The following SYNE2 variants were observed in gnomAD, a reference collection of about 807,000 sequenced individuals.
SYNE2 encodes the protein nesprin-2.
A neutral mutation model predicts 856.3 loss-of-function variants in SYNE2; 431 were observed. The observed-to-expected ratio is 0.50, with a 90% CI of 0.47 to 0.55. The LOEUF (loss-of-function observed/expected upper bound fraction) is 0.55. Among genes scored for constraint, SYNE2 ranks in the 20% least tolerant of loss-of-function variants. SYNE2 has a pLI of 0.00. For synonymous variants in SYNE2, 2,923 were observed against 2,872.3 expected, an observed-to-expected ratio of 1.02 and a Z score of -0.56; for missense variants, 8,129 against 8,023.2, an observed-to-expected ratio of 1.01 and a Z score of -0.50.
chr14:64,169,382 T>C (rs938616211), intron 93 of SYNE2, among the ~76,000 whole-genome samples: 5 of 152,228 alleles, frequency 3.3e-5, no homozygotes, highest in African/African-American at 1.2e-4. Context: ...CTAAATCCTA[T>C]AAGTCTGAAA....
intron 93 of SYNE2, among the ~76,000 whole-genome samples, chr14:64,169,791 C>G (rs1386357355): frequency 6.6e-6 from 1 of 152,056 alleles, no homozygotes; most frequent in East Asian, 1.9e-4. Context: ...ATTATTTATC[C>G]AGAAAAGAAC....
At chr14:64,134,540 TA>T (rs1474452734) in intron 78 of SYNE2, among the ~76,000 whole-genome samples, 1 of 152,198 alleles carries the variant, frequency 6.6e-6, no homozygotes, top group East Asian at 1.9e-4. Flanking sequence ...AGTGAGCTAC[TA>T]GTATGGAAAT....
intron 1 of SYNE2, among the ~76,000 whole-genome samples, chr14:63,902,983 CTCTT>C (rs1294817347): frequency 1.3e-5 from 2 of 152,136 alleles, no homozygotes; most frequent in Non-Finnish European, 1.5e-5. Flanking sequence ...TGGCCTTTGA[CTCTT>C]TCTTCTGCCT....
At chr14:63,839,440 AT>A (rs1368356733) in intron 1 of SYNE2, among the ~76,000 whole-genome samples, 1 of 152,080 alleles carries the variant, frequency 6.6e-6, no homozygotes, top group African/African-American at 2.4e-5. Context: ...CCCCACGCCC[AT>A]TTACTGACCA....
At chr14:63,794,417 T>C (rs1887847385) in intron 1 of SYNE2, among the ~76,000 whole-genome samples, 1 of 152,100 alleles carries the variant, frequency 6.6e-6, no homozygotes, top group African/African-American at 2.4e-5. Flanking sequence ...CTCAAACTCC[T>C]GGCCTCAAAT....
At position 64,130,110 on chromosome 14, in the gene SYNE2, C is replaced by A. The variant is rs778966924; in HGVS notation, c.14202C>A (p.Phe4734Leu). ...RARYTELSSPFVTESQQDALL... is the reference protein window; with the variant it reads ...RARYTELSSPLVTESQQDALL... ...GGTACACAGAACTCAGCAGCCCTTT[C>A]GTCACTGAGAGCCAGCAAGATGCTT... The change falls in exon 76 of 116, where the codon TTC becomes TTA. Residue 4734 changes from phenylalanine (F) to leucine (L), a missense_variant. Around this residue, in one of 3 missense-constraint regions of SYNE2, gnomAD observed 5,410 missense variants for 5,284.8 expected, o/e 1.02. Coordinates refer to ENST00000555002, the MANE Select transcript of SYNE2 (RefSeq NM_182914.3). The A allele has an allele frequency of 3.7e-6, 6 of 1,614,034 alleles. No homozygotes were observed. In the African/African-American group the frequency reaches 8.0e-5, roughly 22 times the overall value.
chr14:64,002,115 A>C lies in SYNE2; in HGVS notation c.3786+34A>C, dbSNP rs921698903. On this transcript the variant is annotated intron_variant, in intron 29 of 115. Transcript: ENST00000555002. ...ATAAGTTCTCACAGTGTATTTACAG[A>C]ATAATCGAGTCTTTTGAGATTTATA... The C allele has an allele frequency of 2.0e-6, 3 of 1,508,136 alleles. No homozygotes were observed. In the African/African-American group the frequency reaches 4.1e-5, roughly 21 times the overall value. The allele number at this position is 1,508,136 out of a possible 1,614,324, so 93.4% of individuals were successfully genotyped here.
intron 99 of SYNE2, 120 bp from the exon 100 acceptor site, chr14:64,202,681 G>C: frequency 7.6e-7 from 1 of 1,313,424 alleles, no homozygotes; most frequent in Non-Finnish European, 1.1e-6. Context: ...AAGCAAAATA[G>C]ATTCTTTTTT....
chr14:64,209,609 T>A, intron 102 of SYNE2, 31 bp downstream of exon 102: 1 of 1,612,824 alleles, frequency 6.2e-7, no homozygotes, highest in Non-Finnish European at 8.5e-7. Context: ...GGTCTCCTGA[T>A]CATAACCAAG....
chr14:63,771,157 C>T (rs1433538478), intron 1 of SYNE2, among the ~76,000 whole-genome samples: 1 of 151,342 alleles, frequency 6.6e-6, no homozygotes, highest in South Asian at 2.1e-4. Context: ...GCAAGCTCCG[C>T]CTCCCGGGTT....
intron 2 of SYNE2, among the ~76,000 whole-genome samples, chr14:63,935,070 A>G (rs2095813739): frequency 6.6e-6 from 1 of 151,686 alleles, no homozygotes; most frequent in African/African-American, 2.4e-5. Flanking sequence ...TTCTCTTCTC[A>G]TGCTAGGGGA....
chr14:63,911,500 C>G (rs2095473411), intron 2 of SYNE2, among the ~76,000 whole-genome samples: 2 of 152,098 alleles, frequency 1.3e-5, no homozygotes, highest in Non-Finnish European at 2.9e-5. Context: ...TCATTTGATC[C>G]TCACAACCAC....
intron 85 of SYNE2, among the ~76,000 whole-genome samples, chr14:64,153,009 A>G (rs4027392): frequency 0.039 from 5,885 of 152,246 alleles, 149 homozygotes; most frequent in African/African-American, 0.041. Context: ...CCCAAACCCA[A>G]CAGAGTATCT....
intron 100 of SYNE2, 102 bp from the exon 101 acceptor site, chr14:64,208,656 C>A: frequency 8.1e-7 from 1 of 1,230,306 alleles, no homozygotes; most frequent in Non-Finnish European, 1.2e-6. Context: ...GGGAAGTATC[C>A]CCTGAGCTGG....
In SYNE2 at chr14:64,174,857, G is replaced by T. The variant is rs898820888; in HGVS notation, c.17236-87G>T. 20 of 1,256,672 alleles carry T rather than the reference G, an allele frequency of 1.6e-5. No homozygotes were observed. In the South Asian group the frequency reaches 2.5e-4, roughly 16 times the overall value. 77.8% of individuals were successfully genotyped at this position (1,256,672 alleles called of 1,614,324 possible). A position where few individuals can be genotyped will look rare whatever the true frequency, so the allele number is the denominator to read the frequency against. On this transcript the variant is annotated intron_variant, in intron 94 of 115. Coordinates refer to ENST00000555002, the MANE Select transcript of SYNE2 (RefSeq NM_182914.3). ...ATATCTAGTTTAACTCTTAAGAAAA[G>T]CTCTGAAGGAAATATACACAGGCAC...
upstream of SYNE2, among the ~76,000 whole-genome samples, chr14:63,851,398 A>G (rs545843027): frequency 1.2e-4 from 18 of 152,184 alleles, no homozygotes; most frequent in African/African-American, 4.1e-4. Context: ...AAACCCAGAA[A>G]GTTCTTTTTG....
chr14:64,182,355 A>AATTC (rs1409939019), intron 96 of SYNE2, among the ~76,000 whole-genome samples: 2 of 151,476 alleles, frequency 1.3e-5, no homozygotes, highest in African/African-American at 4.9e-5. Context: ...GGGGCAATTT[A>AATTC]ATTTATTTAT....
Position 64,220,481 on chromosome 14 carries a change from T to C in SYNE2, c.19905T>C (p.Ser6635=), listed in dbSNP as rs755961915. 1 of 1,614,242 alleles carries C rather than the reference T, an allele frequency of 6.2e-7. No homozygotes were observed. Among genetic ancestry groups the C allele is most frequent in the Non-Finnish European group, 8.5e-7 (1 of 1,180,044 alleles). The change falls in exon 111 of 116, where the codon TCT becomes TCC. Residue 6635 remains serine (S), a synonymous_variant. Transcript: ENST00000555002. ...ACACTTACAAGGCATTAGTGGTCTC[T>C]GTCAACGTGAGCAGCAAGGAATTTC... ...AFDTYKALVV[S]VNVSSKEFLQ... is the part of the protein sequence containing the mutation.
chr14:63,847,856 G>T (rs1457047774), intron 1 of SYNE2, among the ~76,000 whole-genome samples: 10 of 151,344 alleles, frequency 6.6e-5, no homozygotes, highest in African/African-American at 2.4e-4. Context: ...AAAGTGCTGG[G>T]ATTACAGGCA....
Sources: allele counts gnomAD v4.1 joint callset (sites outside exome capture counted in the v4.1 genomes callset), GRCh38; gene constraint gnomAD v4.1.1; regional missense constraint gnomAD v4.1.1; transcripts MANE v1.5; gene names NCBI Gene and HGNC (gene_info 2026-07-23, HGNC 2026-07-21).